The following GPC5 variants were observed in gnomAD, a reference collection of about 807,000 sequenced individuals.
The protein encoded by GPC5 is glypican-5.
Under a neutral mutation model 53.9 loss-of-function variants are expected in GPC5, and 47 were observed. The observed-to-expected ratio is 0.87, with a 90% CI of 0.69 to 1.11. GPC5 has a LOEUF of 1.11. Among genes scored for constraint, GPC5 ranks in the 50% most tolerant of loss-of-function variants. The pLI is 0.00. For synonymous variants in GPC5, 286 were observed against 263.3 expected (o/e 1.09, Z -0.84); for missense variants, 748 against 713.1 (o/e 1.05, Z -0.56).
intron 7 of GPC5, among the ~76,000 whole-genome samples, chr13:92,435,212 G>A (rs1877253766): frequency 1.3e-5 from 2 of 152,162 alleles, no homozygotes; most frequent in African/African-American, 4.8e-5. Context: ...ACTGCACCCA[G>A]CAGTCCAAAT....
chr13:92,773,860 GT>G (rs1446012723), intron 7 of GPC5, among the ~76,000 whole-genome samples: 1 of 152,194 alleles, frequency 6.6e-6, no homozygotes, highest in Non-Finnish European at 1.5e-5. Context: ...AAGAAAAGAA[GT>G]TTAATGAACT....
chr13:92,242,165 G>A (rs184854071), intron 7 of GPC5, among the ~76,000 whole-genome samples: 5 of 151,430 alleles, frequency 3.3e-5, no homozygotes, highest in East Asian at 1.9e-4. Flanking sequence ...CCCAGGAGGC[G>A]GAGGTTGCAA....
chr13:92,443,712 C>T (rs891618663), intron 7 of GPC5, among the ~76,000 whole-genome samples: 5 of 152,080 alleles, frequency 3.3e-5, no homozygotes, highest in Non-Finnish European at 5.9e-5. Context: ...TGCATAGCAG[C>T]GGTATGTAGA....
chr13:91,959,911 T>C (rs533117010), intron 6 of GPC5, among the ~76,000 whole-genome samples: 12 of 151,830 alleles, frequency 7.9e-5, no homozygotes, highest in Non-Finnish European at 1.5e-4. Flanking sequence ...ATAAAAACTT[T>C]AAGCAAGTTT....
intron 7 of GPC5, among the ~76,000 whole-genome samples, chr13:92,670,757 T>C (rs773446289): frequency 6.6e-6 from 1 of 152,220 alleles, no homozygotes; most frequent in East Asian, 1.9e-4. Context: ...CTCTTGTGTC[T>C]ACAAGCCTTT....
intron 7 of GPC5, among the ~76,000 whole-genome samples, chr13:92,636,833 C>T (rs1426107087): frequency 6.6e-6 from 1 of 152,126 alleles, no homozygotes; most frequent in Non-Finnish European, 1.5e-5. Flanking sequence ...TCACGTGCAT[C>T]TAAAACTTAG....
At chr13:92,721,115 G>T (rs1323225670) in intron 7 of GPC5, among the ~76,000 whole-genome samples, 1 of 151,998 alleles carries the variant, frequency 6.6e-6, no homozygotes, top group African/African-American at 2.4e-5. Context: ...ATTATACAGA[G>T]AACTGGATAC....
intron 5 of GPC5, among the ~76,000 whole-genome samples, chr13:91,901,295 A>G (rs1203145006): frequency 6.6e-6 from 1 of 152,100 alleles, no homozygotes; most frequent in Non-Finnish European, 1.5e-5. Flanking sequence ...GATTAACTTA[A>G]AAGTAGTTTT....
intron 7 of GPC5, among the ~76,000 whole-genome samples, chr13:92,245,313 G>A (rs925195266): frequency 7.2e-5 from 11 of 151,994 alleles, no homozygotes; most frequent in African/African-American, 2.4e-4. Context: ...AGTAGCTTCC[G>A]CATCCTATCC....
chr13:92,624,238 T>G (rs1427712632), intron 7 of GPC5, among the ~76,000 whole-genome samples: 1 of 152,008 alleles, frequency 6.6e-6, no homozygotes, highest in East Asian at 1.9e-4. Context: ...CCCTGCTAAT[T>G]TTTGTATTTT....
chr13:92,220,978 G>A (rs192566629), intron 7 of GPC5, among the ~76,000 whole-genome samples: 1 of 152,192 alleles, frequency 6.6e-6, no homozygotes, highest in Admixed American at 6.5e-5. Flanking sequence ...CAGAGAGAAA[G>A]ACTCCCATTT....
Position 91,518,276 on chromosome 13 carries a change from G to A in GPC5, c.325+69354G>A, listed in dbSNP as rs111914394. ...CTTATGAGGCTGAGGCAGGGGGAACGTTTTAGCTCAGGAGTTTGAGGTTGC... is the reference window on the plus strand; with the variant it reads ...CTTATGAGGCTGAGGCAGGGGGAACATTTTAGCTCAGGAGTTTGAGGTTGC... On this transcript the variant is annotated intron_variant, in intron 2 of 7. Coordinates refer to ENST00000377067, the MANE Select transcript of GPC5 (RefSeq NM_004466.6). 9.2e-5 allele frequency among the ~76,000 whole-genome samples: 14 copies of A among 152,236 alleles called. 1 individual carries two copies. The highest frequency in any genetic ancestry group is 3.1e-4 in the African/African-American group (13 of 41,546).
intron 1 of GPC5, among the ~76,000 whole-genome samples, chr13:91,409,742 G>A (rs1877585740): frequency 6.6e-6 from 1 of 152,060 alleles, no homozygotes; most frequent in Non-Finnish European, 1.5e-5. Context: ...GGGGGAACAT[G>A]TGCAGGTTTG....
chr13:92,735,658 C>T (rs780400166), intron 7 of GPC5, among the ~76,000 whole-genome samples: 4 of 151,940 alleles, frequency 2.6e-5, no homozygotes, highest in Non-Finnish European at 5.9e-5. Flanking sequence ...AACTCAAGCC[C>T]ATGTCTGGAA....
intron 7 of GPC5, chr13:92,447,715 T>C (rs1178524462): frequency 6.6e-6 from 1 of 152,136 alleles, no homozygotes; most frequent in Admixed American, 6.6e-5. Context: ...TGACATGAAA[T>C]GTAAAGATCA....
chr13:91,586,948 A>G (rs2032620881), intron 2 of GPC5, among the ~76,000 whole-genome samples: 1 of 152,100 alleles, frequency 6.6e-6, no homozygotes, highest in Admixed American at 6.6e-5. Context: ...GGCTAGGTAT[A>G]TTAGACATGT....
chr13:92,257,311 T>A lies in GPC5; in HGVS notation c.1561+112322T>A, dbSNP rs528296280. Among the ~76,000 whole-genome samples the A allele has an allele frequency of 4.6e-5, 7 of 152,166 alleles. No individual in the cohort carries two copies. In the South Asian group the frequency reaches 1.5e-3, roughly 32 times the overall value. ...ATAGATTCCTTAAGTGGTGTGACTA[T>A]TTGGAGCTGTTTTGCTGTTTAATGA... On this transcript the variant is annotated intron_variant, in intron 7 of 7. Coordinates refer to ENST00000377067, the MANE Select transcript of GPC5 (RefSeq NM_004466.6).
chr13:91,669,671 G>C (rs1594405835), intron 2 of GPC5, among the ~76,000 whole-genome samples: 1 of 152,078 alleles, frequency 6.6e-6, no homozygotes, highest in African/African-American at 2.4e-5. Context: ...TTTATAAGGG[G>C]CAAGTTAGGT....
chr13:92,673,660 G>A (rs1298972171), intron 7 of GPC5, among the ~76,000 whole-genome samples: 3 of 152,062 alleles, frequency 2.0e-5, no homozygotes, highest in Non-Finnish European at 4.4e-5. Context: ...ATACCTGATG[G>A]AATACAGTGA....
Sources: gnomAD v4.1 joint callset for allele counts (sites outside exome capture counted in the v4.1 genomes callset) on GRCh38, gnomAD v4.1.1 for gene constraint, MANE v1.5 for transcripts, NCBI Gene and HGNC (gene_info 2026-07-23, HGNC 2026-07-21) for gene names.